TRDMT1: variants seen among roughly 807,000 people sequenced by gnomAD.
TRDMT1 encodes the protein tRNA aspartic acid methyltransferase 1.
A neutral mutation model predicts 51.2 loss-of-function variants in TRDMT1; 49 were observed. The observed-to-expected ratio is 0.96, with a 90% CI of 0.76 to 1.21. The LOEUF (loss-of-function observed/expected upper bound fraction) is 1.21. Among genes scored for constraint, TRDMT1 ranks in the 50% most tolerant of loss-of-function variants. The pLI, the probability that TRDMT1 is intolerant of heterozygous loss-of-function variation, is 0.00. For synonymous variants in TRDMT1, 187 were observed against 164.6 expected (o/e 1.14, Z -1.04); for missense variants, 534 against 462.3 (o/e 1.16, Z -1.42).
intron 1 of TRDMT1, among the ~76,000 whole-genome samples, chr10:17,194,793 C>T (rs1461951265): frequency 3.3e-5 from 5 of 151,762 alleles, no homozygotes; most frequent in Non-Finnish European, 5.9e-5. Flanking sequence ...ATTAGCCAAG[C>T]GTGGTCGTGG....
intron 1 of TRDMT1, 134 bp downstream of exon 1, chr10:17,201,437 A>G: frequency 1.2e-6 from 1 of 858,216 alleles, no homozygotes; most frequent in Non-Finnish European, 1.7e-6. Flanking sequence ...TTCCAGGACA[A>G]CCGAGGGCCG....
At chr10:17,167,118 C>A (rs1382587669) in intron 3 of TRDMT1, among the ~76,000 whole-genome samples, 1 of 152,154 alleles carries the variant, frequency 6.6e-6, no homozygotes, top group African/African-American at 2.4e-5. Flanking sequence ...ATTTGTCAGC[C>A]ATTCCCATTA....
At chr10:17,177,242 G>T (rs11254425) in intron 1 of TRDMT1, among the ~76,000 whole-genome samples, 20,733 of 127,966 alleles carry the variant, frequency 0.16, 1,515 homozygotes, top group Admixed American at 0.2. Flanking sequence ...TGTTGCCCAG[G>T]CTGGAGTTCA....
At chr10:17,165,300 C>G (rs374968142) in intron 3 of TRDMT1, among the ~76,000 whole-genome samples, 57 of 152,088 alleles carry the variant, frequency 3.7e-4, no homozygotes, top group African/African-American at 1.1e-3. Context: ...ATGGTGCTGG[C>G]AAAACTGGCT....
intron 1 of TRDMT1, among the ~76,000 whole-genome samples, chr10:17,179,044 A>T (rs1222340965): frequency 6.6e-6 from 1 of 151,104 alleles, no homozygotes; most frequent in African/African-American, 2.4e-5. Context: ...AAATTAATGT[A>T]AAAAAAAAGG....
At chr10:17,162,369 T>C (rs905173103) in intron 3 of TRDMT1, 132 bp from the exon 4 acceptor site, 23 of 771,040 alleles carry the variant, frequency 3.0e-5, no homozygotes, top group African/African-American at 2.1e-4. Flanking sequence ...AAAAATAGGG[T>C]CATCTTTGTT....
At chr10:17,151,062 T>C in intron 10 of TRDMT1, 1 of 935,616 alleles carries the variant, frequency 1.1e-6, no homozygotes, top group Non-Finnish European at 1.3e-6. Flanking sequence ...AATTATTAGG[T>C]TGGTGCAAAA....
chr10:17,142,939 G>A lies in TRDMT1; in HGVS notation c.*6101C>T, dbSNP rs1588678745. On this transcript the variant is annotated 3_prime_UTR_variant, in exon 11 of 11. Transcript: ENST00000377799. ...AATTACACTTTTCAGGGAGGAGCAGGGAGAAATAAATCTACACTCTCTTGT... is the reference window on the plus strand; with the variant it reads ...AATTACACTTTTCAGGGAGGAGCAGAGAGAAATAAATCTACACTCTCTTGT... 2 of 944,414 alleles carry A rather than the reference G, an allele frequency of 2.1e-6. No individual in the cohort carries two copies. Among genetic ancestry groups the A allele is most frequent in the Non-Finnish European group, 2.5e-6 (2 of 792,688 alleles). 58.5% of individuals were successfully genotyped at this position (944,414 alleles called of 1,614,324 possible).
intron 1 of TRDMT1, among the ~76,000 whole-genome samples, chr10:17,188,565 T>C: frequency 6.6e-6 from 1 of 152,214 alleles, no homozygotes; most frequent in East Asian, 1.9e-4. Context: ...TATACAGCAC[T>C]ATCTTAGCAT....
chr10:17,150,774 T>G (rs1246985014), intron 10 of TRDMT1: 1 of 984,924 alleles, frequency 1.0e-6, no homozygotes, highest in African/African-American at 1.7e-5. Context: ...CAATTACTGT[T>G]GCAATTAAAC....
At position 17,180,455 on chromosome 10, in the gene TRDMT1, G is replaced by A. The variant is rs190930145; in HGVS notation, c.65-5795C>T. On this transcript the variant is annotated intron_variant, in intron 1 of 10. Coordinates refer to ENST00000377799, the MANE Select transcript of TRDMT1 (RefSeq NM_004412.7). ...ACTCAGGGCCTGAGGCAGAAGAATC[G>A]CTTGAACCCACAAGGTGGAGGTTGC... Among the ~76,000 whole-genome samples the A allele has an allele frequency of 3.5e-3, 520 of 149,170 alleles. 2 individuals are homozygous for A. Among genetic ancestry groups the A allele is most frequent in the African/African-American group, 0.012 (500 of 40,400 alleles).
At chr10:17,162,712 G>A (rs540404927) in intron 3 of TRDMT1, among the ~76,000 whole-genome samples, 15 of 152,238 alleles carry the variant, frequency 9.9e-5, no homozygotes, top group South Asian at 8.3e-4. Flanking sequence ...GCGTGGTGGG[G>A]TACGCCTGTA....
chr10:17,171,879 T>G (rs1489219993), intron 2 of TRDMT1: 3 of 159,756 alleles, frequency 1.9e-5, no homozygotes, highest in Non-Finnish European at 4.4e-5. Flanking sequence ...GATGTTATAT[T>G]GTAAATTTCA....
intron 1 of TRDMT1, among the ~76,000 whole-genome samples, chr10:17,185,906 G>A (rs999197563): frequency 3.3e-5 from 5 of 152,012 alleles, no homozygotes; most frequent in Non-Finnish European, 7.4e-5. Context: ...GGCCTGTTGT[G>A]GGGTGCGGGG....
intron 1 of TRDMT1, among the ~76,000 whole-genome samples, chr10:17,179,918 T>G (rs1564320395): frequency 6.6e-6 from 1 of 152,044 alleles, no homozygotes; most frequent in Non-Finnish European, 1.5e-5. Context: ...GCAGAAAAAT[T>G]TTCTTCCCAG....
chr10:17,192,435 C>G (rs955918570), intron 1 of TRDMT1, among the ~76,000 whole-genome samples: 1 of 152,186 alleles, frequency 6.6e-6, no homozygotes, highest in Non-Finnish European at 1.5e-5. Context: ...AAATTATGAA[C>G]ATAGTTGGCT....
intron 1 of TRDMT1, among the ~76,000 whole-genome samples, chr10:17,186,395 A>T (rs947029458): frequency 6.6e-6 from 1 of 152,136 alleles, no homozygotes; most frequent in Non-Finnish European, 1.5e-5. Context: ...GGAAGGTTAA[A>T]ATCAGAGAAG....
At chr10:17,199,569 G>A (rs1845888683) in intron 1 of TRDMT1, among the ~76,000 whole-genome samples, 1 of 152,200 alleles carries the variant, frequency 6.6e-6, no homozygotes, top group Non-Finnish European at 1.5e-5. Context: ...TGACGGTGAA[G>A]CGGGATGCTG....
intron 2 of TRDMT1, among the ~76,000 whole-genome samples, chr10:17,174,212 C>T (rs1318507845): frequency 2.0e-5 from 3 of 152,218 alleles, no homozygotes; most frequent in Non-Finnish European, 2.9e-5. Flanking sequence ...CTTGTTCTTA[C>T]TGCATGCTAT....
Sources: gnomAD v4.1 joint callset for allele counts (sites outside exome capture counted in the v4.1 genomes callset) on GRCh38, gnomAD v4.1.1 for gene constraint, MANE v1.5 for transcripts, NCBI Gene and HGNC (gene_info 2026-07-23, HGNC 2026-07-21) for gene names.